Variants in BOK observed in about 807,000 individuals in gnomAD.
BOK encodes the protein bcl-2-related ovarian killer protein.
BOK carries 20 observed loss-of-function variants against 18.3 expected under a neutral mutation model. The ratio of observed to expected loss-of-function variants is 1.09; its 90% CI spans 0.77 to 1.59. BOK has a LOEUF of 1.59. Ranked by LOEUF, BOK falls within the 40% of genes most tolerant of loss-of-function variation. The pLI is 0.00. For missense variants in BOK, 348 were observed against 307.9 expected (o/e 1.13, Z -0.97); for synonymous variants, 173 against 142.4 (o/e 1.21, Z -1.53).
intron 1 of BOK, among the ~76,000 whole-genome samples, chr2:241,553,275 G>A (rs760504845): frequency 8.5e-5 from 13 of 152,070 alleles, no homozygotes; most frequent in Admixed American, 2.6e-4. Flanking sequence ...CTCAGCCTCC[G>A]GAGCAGCTGG....
In BOK at chr2:241,562,111, G is replaced by A. The variant is rs904065845; in HGVS notation, c.221-237G>A. Among the ~76,000 whole-genome samples the A allele has an allele frequency of 2.0e-5, 3 of 152,244 alleles. No individual in the cohort carries two copies. Among genetic ancestry groups the A allele is most frequent in the African/African-American group, 4.8e-5 (2 of 41,476 alleles). On this transcript the variant is annotated intron_variant, in intron 2 of 4. Coordinates refer to ENST00000318407, the MANE Select transcript of BOK (RefSeq NM_032515.5). This position sits in a 1 kb window ranked among gnomAD's most constrained non-coding sequence, Gnocchi z 4.5. ...TTAGGGGCTGGCTCGTCAGAGGGGC[G>A]GGACTGGGGGCGCCTTCAGTACTTC...
Position 241,559,673 on chromosome 2 carries a change from G to T in BOK, c.190G>T (p.Ala64Ser), listed in dbSNP as rs755155123. 404 of 1,367,388 alleles carry T rather than the reference G, an allele frequency of 3.0e-4. No individual in the cohort carries two copies. Among genetic ancestry groups the T allele is most frequent in the Non-Finnish European group, 3.7e-4 (396 of 1,069,204 alleles). The allele number at this position is 1,367,388 out of a possible 1,614,324, so 84.7% of individuals were successfully genotyped here. ...ERAAPVPGRLAEVCAVLLRLG... is the reference protein window; with the variant it reads ...ERAAPVPGRLSEVCAVLLRLG... ...TGCCGCGCCGGTCCCGGGACGCCTG[G>T]CTGAGGTGTGCGCGGTGCTGCTGCG... The change falls in exon 2 of 5, where the codon GCT (alanine) becomes TCT (serine). Residue 64 changes from alanine to serine, a missense_variant. Coordinates refer to ENST00000318407, the MANE Select transcript of BOK (RefSeq NM_032515.5).
At chr2:241,560,342 C>T (rs1348425209) in intron 2 of BOK, 1 of 950,248 alleles carries the variant, frequency 1.1e-6, no homozygotes, top group South Asian at 4.9e-5. Context: ...TGGCCGTCAC[C>T]TGGGAATGTT....
rs1020101456 is a variant in BOK, at chr2:241,562,700, T to C, written c.349+224T>C. ...TGGTTCTGCAGGCTGGTGGGCATGC[T>C]GAGCAGCTGGCACAGGCTTCTTGAT... On this transcript the variant is annotated intron_variant, in intron 3 of 4. Transcript: ENST00000318407. The surrounding 1 kb of genome is among the most constrained non-coding windows in gnomAD (Gnocchi z 4.5). Among the ~76,000 whole-genome samples, 1 of 152,200 alleles carries C rather than the reference T, an allele frequency of 6.6e-6. No individual in the cohort carries two copies. The highest frequency in any genetic ancestry group is 2.4e-5 in the African/African-American group (1 of 41,462).
chr2:241,559,576 C>A lies in BOK; in HGVS notation c.93C>A (p.Ala31=). Residue 31 remains alanine (A), a synonymous_variant, in exon 2 of 5, where the codon GCC becomes GCA. Transcript: ENST00000318407. ...CAGACAAGGAGCTGGTGGCCCAGGCCAAGGCGCTGGGCCGGGAGTACGTGC... is the reference window on the plus strand; with the variant it reads ...CAGACAAGGAGCTGGTGGCCCAGGCAAAGGCGCTGGGCCGGGAGTACGTGC... The part of the protein sequence containing the change: ...SPTDKELVAQ[A]KALGREYVHA... 6.6e-7 allele frequency: 1 copy of A among 1,523,482 alleles called. No homozygotes were observed. Among genetic ancestry groups the A allele is most frequent in the South Asian group, 1.2e-5 (1 of 81,956 alleles). The allele number at this position is 1,523,482 out of a possible 1,614,324, so 94.4% of individuals were successfully genotyped here. A position where few individuals can be genotyped will look rare whatever the true frequency, so the allele number is the denominator to read the frequency against.
At chr2:241,560,081 T>A in intron 2 of BOK, 1 of 985,384 alleles carries the variant, frequency 1.0e-6, no homozygotes, top group Non-Finnish European at 1.2e-6. Context: ...ATTCTTGCTG[T>A]TACTGGCCGA....
rs1354756197 is a variant in BOK, at chr2:241,566,689, G to GTGGCCGCCACCGCCATTCCCCACCC, written c.350-3436_350-3435insTGGCCGCCACCGCCATTCCCCACCC. Reference sequence around the variant, plus strand: ...AACCTAAGTTTGAATTCCCAGCTGAGCTGGCCCCTGGCAGACTCCAGCCCT... The same window carrying GTGGCCGCCACCGCCATTCCCCACCC: ...AACCTAAGTTTGAATTCCCAGCTGAGTGGCCGCCACCGCCATTCCCCACCCCTGGCCCCTGGCAGACTCCAGCCCT... On this transcript the variant is annotated intron_variant, in intron 3 of 4. Transcript: ENST00000318407. 4.4e-3 allele frequency among the ~76,000 whole-genome samples: 354 copies of GTGGCCGCCACCGCCATTCCCCACCC among 80,176 alleles called. 2 individuals carry two copies. The highest frequency in any genetic ancestry group is 0.013 in the East Asian group (20 of 1,580). The allele number at this position is 80,176 out of a possible 152,430, so 52.6% of individuals were successfully genotyped here.
At chr2:241,557,419 C>T (rs1018787229), upstream of BOK, among the ~76,000 whole-genome samples, 12 of 151,008 alleles carry the variant, frequency 7.9e-5, no homozygotes, top group African/African-American at 2.7e-4. Context: ...AAGCAATTCT[C>T]CTGCCTCAGC....
intron 3 of BOK, among the ~76,000 whole-genome samples, chr2:241,564,775 C>T (rs1037084204): frequency 5.3e-5 from 8 of 152,150 alleles, no homozygotes; most frequent in Non-Finnish European, 7.4e-5. Context: ...CCGACGCCGG[C>T]GCGTGGGTGG....
At chr2:241,565,681 C>T (rs879293376) in intron 3 of BOK, among the ~76,000 whole-genome samples, 26 of 152,216 alleles carry the variant, frequency 1.7e-4, no homozygotes, top group Non-Finnish European at 2.8e-4. Context: ...GGGCTGGGGC[C>T]TTGGCTAGTG....
At chr2:241,565,569 A>AC (rs2066597726) in intron 3 of BOK, among the ~76,000 whole-genome samples, 1 of 86,790 alleles carries the variant, frequency 1.2e-5, no homozygotes, top group South Asian at 3.8e-4. Flanking sequence ...GCACGCTCTG[A>AC]CCCCCGGTCT....
At chr2:241,566,406 C>T (rs2066615125) in intron 3 of BOK, among the ~76,000 whole-genome samples, 1 of 150,168 alleles carries the variant, frequency 6.7e-6, no homozygotes, top group Non-Finnish European at 1.5e-5. Flanking sequence ...TCAAGCAGTT[C>T]TCCTGCCTCA....
chr2:241,562,601 A>G lies in BOK; in HGVS notation c.349+125A>G, dbSNP rs188686918. On this transcript the variant is annotated intron_variant, in intron 3 of 4. Coordinates refer to ENST00000318407, the MANE Select transcript of BOK (RefSeq NM_032515.5). This position sits in a 1 kb window ranked among gnomAD's most constrained non-coding sequence, Gnocchi z 4.5. Reference sequence around the variant, plus strand: ...GCGCTGCCCAGTGCCCACCGGTGCCATCTCACTGCTGCAGGTGTCAGGAGC... The same window carrying G: ...GCGCTGCCCAGTGCCCACCGGTGCCGTCTCACTGCTGCAGGTGTCAGGAGC... 167 of 1,267,118 alleles carry G rather than the reference A, an allele frequency of 1.3e-4. No homozygotes were observed. In the East Asian group the frequency reaches 4.0e-3, roughly 30 times the overall value. The allele number at this position is 1,267,118 out of a possible 1,614,324, so 78.5% of individuals were successfully genotyped here.
At chr2:241,567,276 G>A (rs1478166085) in intron 3 of BOK, among the ~76,000 whole-genome samples, 3 of 132,996 alleles carry the variant, frequency 2.3e-5, no homozygotes, top group Admixed American at 1.5e-4. Flanking sequence ...ACAGGCACCC[G>A]CCACCATGCT....
In BOK at chr2:241,562,468, T is replaced by C. The variant is rs1271244624; in HGVS notation, c.341T>C (p.Phe114Ser). 6.2e-7 allele frequency: 1 copy of C among 1,610,128 alleles called. No individual in the cohort carries two copies. Among genetic ancestry groups the C allele is most frequent in the East Asian group, 2.2e-5 (1 of 44,828 alleles). Residue 114 changes from phenylalanine (F) to serine (S), a missense_variant, in exon 3 of 5, where the codon TTC becomes TCC. Coordinates refer to ENST00000318407, the MANE Select transcript of BOK (RefSeq NM_032515.5). This position sits in a 1 kb window ranked among gnomAD's most constrained non-coding sequence, Gnocchi z 4.5. ...DAFLAVAGHI[F>S]SAGITWGKVV... ...TTCCTGGCCGTGGCTGGCCACATCT[T>C]CTCTGCAGGTATGCCCAGCCTGCCC...
intron 1 of BOK, 40 bp from the exon 2 acceptor site, chr2:241,559,415 C>T (rs1336076406): frequency 8.0e-7 from 1 of 1,249,958 alleles, no homozygotes. Flanking sequence ...CCGTTCCCCG[C>T]GCCGCCTCCC....
rs1173092481 is a variant in BOK at position 241,559,582 on chromosome 2, G to T, written c.99G>T (p.Ala33=). Residue 33 remains alanine, a synonymous_variant, in exon 2 of 5, where the codon GCG becomes GCT. Coordinates refer to ENST00000318407, the MANE Select transcript of BOK (RefSeq NM_032515.5). ...TDKELVAQAK[A]LGREYVHARL... is the part of the protein sequence containing the mutation. ...AGGAGCTGGTGGCCCAGGCCAAGGC[G>T]CTGGGCCGGGAGTACGTGCACGCGC... 1 of 1,515,454 alleles carries T rather than the reference G, an allele frequency of 6.6e-7. No individual in the cohort carries two copies. Among genetic ancestry groups the T allele is most frequent in the Non-Finnish European group, 8.8e-7 (1 of 1,140,424 alleles). The allele number at this position is 1,515,454 out of a possible 1,614,324, so 93.9% of individuals were successfully genotyped here. A position where few individuals can be genotyped will look rare whatever the true frequency, so the allele number is the denominator to read the frequency against.
upstream of BOK, among the ~76,000 whole-genome samples, chr2:241,557,495 G>A (rs2066462420): frequency 6.6e-6 from 1 of 151,914 alleles, no homozygotes; most frequent in South Asian, 2.1e-4. Flanking sequence ...ATCTCTAGTA[G>A]AGACGGGGTT....
intron 3 of BOK, among the ~76,000 whole-genome samples, chr2:241,569,910 G>A (rs925616506): frequency 1.3e-4 from 20 of 152,204 alleles, no homozygotes; most frequent in African/African-American, 3.4e-4. Flanking sequence ...CTGCACAGAC[G>A]TGGGCTGGGC....
Sources: gnomAD v4.1 joint callset for allele counts (sites outside exome capture counted in the v4.1 genomes callset) on GRCh38, gnomAD v4.1.1 for gene constraint, Gnocchi (gnomAD v3.1) non-coding constraint, MANE v1.5 for transcripts, NCBI Gene and HGNC (gene_info 2026-07-23, HGNC 2026-07-21) for gene names.